Variants in LHX4 observed in about 807,000 individuals in gnomAD.
The protein encoded by LHX4 is LIM/homeobox protein Lhx4.
Under a neutral mutation model 39.2 loss-of-function variants are expected in LHX4, and 16 were observed. The ratio of observed to expected loss-of-function variants is 0.41; its 90% CI spans 0.28 to 0.62. The LOEUF (loss-of-function observed/expected upper bound fraction) is 0.62. Among genes scored for constraint, LHX4 ranks in the 20% least tolerant of loss-of-function variants. The pLI, the probability that LHX4 is intolerant of heterozygous loss-of-function variation, is 0.33. For synonymous variants in LHX4, 206 were observed against 198.1 expected (o/e 1.04, Z -0.33); for missense variants, 439 against 511.9 (o/e 0.86, Z 1.37).
At chr1:180,271,717 C>T in intron 4 of LHX4, 118 bp from the exon 5 acceptor site, 1 of 1,326,186 alleles carries the variant, frequency 7.5e-7, no homozygotes. Context: ...CATCGCACTC[C>T]CAGACCTGTG....
At chr1:180,237,106 C>A (rs565338927) in intron 1 of LHX4, among the ~76,000 whole-genome samples, 2 of 152,170 alleles carry the variant, frequency 1.3e-5, no homozygotes, top group Non-Finnish European at 2.9e-5. Flanking sequence ...CCTTCTCCTT[C>A]CCCTGTTCCC....
rs149371483 is a variant in LHX4, at chr1:180,239,674, C to T, written c.77-8611C>T. ...AGTAAAAGAAGGTTTAGTCCTAATTCGGCCTCAAACTGTGTACCCGTAGGG... is the reference window on the plus strand; with the variant it reads ...AGTAAAAGAAGGTTTAGTCCTAATTTGGCCTCAAACTGTGTACCCGTAGGG... On this transcript the variant is annotated intron_variant, in intron 1 of 5. Transcript: ENST00000263726. Among the ~76,000 whole-genome samples the T allele has an allele frequency of 4.5e-4, 68 of 152,312 alleles. No homozygotes were observed. In the East Asian group the frequency reaches 0.011, roughly 25 times the overall value.
intron 1 of LHX4, among the ~76,000 whole-genome samples, chr1:180,238,579 T>A (rs549275191): frequency 4.2e-4 from 64 of 152,336 alleles, no homozygotes; most frequent in Non-Finnish European, 7.8e-4. Flanking sequence ...TCTTTAATGC[T>A]GCTGTCATCA....
At chr1:180,271,247 G>A (rs768861324) in intron 3 of LHX4, 133 bp from the exon 4 acceptor site, 2 of 970,678 alleles carry the variant, frequency 2.1e-6, no homozygotes, top group Non-Finnish European at 3.3e-6. Context: ...CCACTCTGAT[G>A]TCCCCTGTGC....
intron 1 of LHX4, among the ~76,000 whole-genome samples, chr1:180,242,051 C>G (rs1664454369): frequency 6.6e-6 from 1 of 151,834 alleles, no homozygotes; most frequent in Non-Finnish European, 1.5e-5. Flanking sequence ...TATTTTTGAG[C>G]CCTTTCCAAA....
chr1:180,252,048 A>C (rs946014664), intron 2 of LHX4, among the ~76,000 whole-genome samples: 8 of 152,174 alleles, frequency 5.3e-5, no homozygotes, highest in Non-Finnish European at 1.0e-4. Flanking sequence ...GCTCCATCCT[A>C]GGTACAGACA....
intron 1 of LHX4, among the ~76,000 whole-genome samples, chr1:180,237,575 G>A (rs1664354451): frequency 6.6e-6 from 1 of 152,142 alleles, no homozygotes; most frequent in African/African-American, 2.4e-5. Context: ...GCGGCTGACT[G>A]GAAAGTCGTC....
intron 1 of LHX4, among the ~76,000 whole-genome samples, chr1:180,243,366 T>A (rs534224871): frequency 1.3e-5 from 2 of 151,958 alleles, no homozygotes; most frequent in Admixed American, 6.5e-5. Flanking sequence ...CGACGCCTCC[T>A]CCCTCAGGAG....
intron 3 of LHX4, 30 bp from the exon 4 acceptor site, chr1:180,271,350 A>G (rs1475958217): frequency 1.9e-6 from 3 of 1,613,990 alleles, no homozygotes; most frequent in Non-Finnish European, 2.5e-6. Flanking sequence ...AGATAGGCCG[A>G]AGCCAGTAAG....
chr1:180,254,754 C>T (rs569474951), intron 2 of LHX4, among the ~76,000 whole-genome samples: 5 of 152,340 alleles, frequency 3.3e-5, no homozygotes, highest in Admixed American at 6.5e-5. Flanking sequence ...CACCAAGCCT[C>T]GCTTTCCCAT....
intron 1 of LHX4, among the ~76,000 whole-genome samples, chr1:180,243,177 C>T (rs543770129): frequency 8.6e-5 from 13 of 152,010 alleles, no homozygotes; most frequent in South Asian, 4.2e-4. Flanking sequence ...TTAGTAGAGA[C>T]GGGATTTCAC....
At chr1:180,267,905 C>G (rs554891380) in intron 3 of LHX4, among the ~76,000 whole-genome samples, 149 of 152,224 alleles carry the variant, frequency 9.8e-4, no homozygotes, top group Admixed American at 1.6e-3. Flanking sequence ...CCAGCTGGAG[C>G]TGGGTTTGGC....
chr1:180,239,092 C>T (rs1202198895), intron 1 of LHX4, among the ~76,000 whole-genome samples: 1 of 152,228 alleles, frequency 6.6e-6, no homozygotes, highest in Non-Finnish European at 1.5e-5. Flanking sequence ...TTTAATGTAA[C>T]TATACCTCCG....
intron 1 of LHX4, among the ~76,000 whole-genome samples, chr1:180,233,308 C>T (rs560249901): frequency 6.6e-6 from 1 of 152,264 alleles, no homozygotes; most frequent in Non-Finnish European, 1.5e-5. Context: ...CAGTTCGCGC[C>T]GTAGCCCTCC....
chr1:180,265,105 G>A (rs1412091637), intron 2 of LHX4, among the ~76,000 whole-genome samples: 1 of 152,192 alleles, frequency 6.6e-6, no homozygotes, highest in Non-Finnish European at 1.5e-5. Flanking sequence ...TGATAGCCAT[G>A]ACCATAATTA....
At chr1:180,241,264 C>A (rs187024829) in intron 1 of LHX4, among the ~76,000 whole-genome samples, 1 of 152,258 alleles carries the variant, frequency 6.6e-6, no homozygotes, top group African/African-American at 2.4e-5. Flanking sequence ...GCATTGTCTG[C>A]TGTTTATACT....
chr1:180,266,549 G>A lies in LHX4; in HGVS notation c.406G>A (p.Gly136Arg), dbSNP rs766579345. ...GGACGAATTCTACCTCATGGAGGACGGGCGGCTGGTGTGCAAGGAAGACTA... is the reference window on the plus strand; with the variant it reads ...GGACGAATTCTACCTCATGGAGGACAGGCGGCTGGTGTGCAAGGAAGACTA... ...TGDEFYLMED[G>R]RLVCKEDYET... is the part of the protein sequence containing the mutation. Residue 136 changes from glycine (G) to arginine (R), a missense_variant, in exon 3 of 6, where the codon GGG becomes AGG. Transcript: ENST00000263726. The surrounding 1 kb of genome is among the most constrained non-coding windows in gnomAD (Gnocchi z 5.7). 143 of 1,614,206 alleles carry A rather than the reference G, an allele frequency of 8.9e-5. No homozygotes were observed. Among genetic ancestry groups the A allele is most frequent in the East Asian group, 4.0e-4 (18 of 44,880 alleles).
intron 2 of LHX4, 96 bp downstream of exon 2, chr1:180,248,552 G>A (rs760986054): frequency 7.0e-5 from 96 of 1,365,126 alleles, no homozygotes; most frequent in Non-Finnish European, 9.0e-5. Flanking sequence ...CAGGGAGGGT[G>A]GAGAGTCCAC....
At position 180,274,216 on chromosome 1, in the gene LHX4, C is replaced by T. The variant is rs1030984948; in HGVS notation, c.810C>T (p.Thr270=). ...AAATTCTCTCAGAACTTGGCCACAC[C>T]AATAGGATTTATGGCAACGTGGGGG... ...EDQILSELGH[T]NRIYGNVGDV... is the part of the protein sequence containing the mutation. The change falls in exon 6 of 6, where the codon ACC becomes ACT. Residue 270 remains threonine, a synonymous_variant. Coordinates refer to ENST00000263726, the MANE Select transcript of LHX4 (RefSeq NM_033343.4). 4.3e-6 allele frequency: 7 copies of T among 1,614,040 alleles called. No individual in the cohort carries two copies. The highest frequency in any genetic ancestry group is 4.2e-6 in the Non-Finnish European group (5 of 1,180,030).
Sources: gnomAD v4.1 joint callset for allele counts (sites outside exome capture counted in the v4.1 genomes callset) on GRCh38, gnomAD v4.1.1 for gene constraint, Gnocchi (gnomAD v3.1) non-coding constraint, MANE v1.5 for transcripts, NCBI Gene and HGNC (gene_info 2026-07-23, HGNC 2026-07-21) for gene names.